Variants in HEATR5A observed in about 807,000 individuals in gnomAD.
HEATR5A encodes the protein HEAT repeat-containing protein 5A.
Under a neutral mutation model 218.8 loss-of-function variants are expected in HEATR5A, and 178 were observed. That is an observed-to-expected ratio of 0.81 (90% confidence interval 0.72 to 0.92). The LOEUF is 0.92. Among genes scored for constraint, HEATR5A ranks in the 40% least tolerant of loss-of-function variants. HEATR5A has a pLI of 0.00. For missense variants in HEATR5A, 2,420 were observed against 2,418.9 expected (o/e 1.00, Z -0.01); for synonymous variants, 864 against 871.6 (o/e 0.99, Z 0.15).
At chr14:31,366,976 G>A (rs1482835083) in intron 13 of HEATR5A, among the ~76,000 whole-genome samples, 1 of 152,170 alleles carries the variant, frequency 6.6e-6, no homozygotes, top group Non-Finnish European at 1.5e-5. Flanking sequence ...AGTAAAACAT[G>A]AAAAGCATTC....
intron 1 of HEATR5A, among the ~76,000 whole-genome samples, chr14:31,410,300 A>C (rs977729299): frequency 1.3e-5 from 2 of 151,966 alleles, no homozygotes; most frequent in African/African-American, 4.8e-5. Flanking sequence ...GTAAACAAAC[A>C]AAAAAAACCC....
At chr14:31,307,302 T>C (rs1899586095) in intron 30 of HEATR5A, among the ~76,000 whole-genome samples, 1 of 152,230 alleles carries the variant, frequency 6.6e-6, no homozygotes, top group Non-Finnish European at 1.5e-5. Context: ...TAAAACTTGA[T>C]ATCAAAAGTA....
At position 31,349,934 on chromosome 14, in the gene HEATR5A, T is replaced by G. The variant is rs760746801; in HGVS notation, c.2563A>C (p.Arg855=). 2.5e-6 allele frequency: 4 copies of G among 1,606,056 alleles called. No individual in the cohort carries two copies. In the African/African-American group the frequency reaches 5.4e-5, roughly 22 times the overall value. The change falls in exon 18 of 36, where the codon AGA becomes CGA. Residue 855 remains arginine, a synonymous_variant. Coordinates refer to ENST00000543095, the MANE Select transcript of HEATR5A (RefSeq NM_015473.4). ...KGCLGPEEMK[R]FALTLVMGAL... ...CCCATAACTAATGTTAAGGCAAATCTTTTCATTTCTTCTGGACCTAAACAT... is the reference window on the plus strand; with the variant it reads ...CCCATAACTAATGTTAAGGCAAATCGTTTCATTTCTTCTGGACCTAAACAT...
intron 20 of HEATR5A, 106 bp downstream of exon 20, chr14:31,344,981 A>G: frequency 1.1e-6 from 1 of 906,052 alleles, no homozygotes. Context: ...TTCATTTAAC[A>G]AAACATACAG....
At chr14:31,379,764 G>A (rs935005180) in intron 11 of HEATR5A, among the ~76,000 whole-genome samples, 3 of 152,216 alleles carry the variant, frequency 2.0e-5, no homozygotes, top group Admixed American at 1.3e-4. Context: ...GACGAGCCTG[G>A]GCAACATAGT....
At chr14:31,326,106 T>C in intron 23 of HEATR5A, 57 bp downstream of exon 23, 1 of 1,378,822 alleles carries the variant, frequency 7.3e-7, no homozygotes, top group Non-Finnish European at 1.0e-6. Context: ...TAAACAATTT[T>C]ATGTAAAGTT....
chr14:31,308,347 A>T (rs1204669585), intron 29 of HEATR5A, among the ~76,000 whole-genome samples: 1 of 152,088 alleles, frequency 6.6e-6, no homozygotes, highest in African/African-American at 2.4e-5. Context: ...GTCTCGACTA[A>T]AAATACAAAA....
intron 22 of HEATR5A, among the ~76,000 whole-genome samples, chr14:31,327,043 C>T (rs1308324806): frequency 2.7e-5 from 4 of 150,380 alleles, no homozygotes; most frequent in African/African-American, 9.8e-5. Flanking sequence ...GGTGCAATCT[C>T]GGCTCACTGC....
At chr14:31,327,775 A>G (rs867721622) in intron 22 of HEATR5A, among the ~76,000 whole-genome samples, 1 of 152,190 alleles carries the variant, frequency 6.6e-6, no homozygotes, top group African/African-American at 2.4e-5. Context: ...TCACTATACA[A>G]TATTCTCACT....
intron 21 of HEATR5A, among the ~76,000 whole-genome samples, chr14:31,338,558 G>C (rs558603903): frequency 6.6e-6 from 1 of 152,200 alleles, no homozygotes; most frequent in East Asian, 1.9e-4. Context: ...AAAATTCTTA[G>C]TGATTTCATA....
chr14:31,413,061 C>T (rs969221409), intron 1 of HEATR5A, among the ~76,000 whole-genome samples: 8 of 152,120 alleles, frequency 5.3e-5, no homozygotes, highest in Non-Finnish European at 1.0e-4. Context: ...TGACGAACCC[C>T]AGGCACGGCA....
chr14:31,370,080 G>T (rs1901978018), intron 13 of HEATR5A, among the ~76,000 whole-genome samples: 1 of 151,964 alleles, frequency 6.6e-6, no homozygotes, highest in Non-Finnish European at 1.5e-5. Context: ...CAAAAAATTA[G>T]CCAGGCATGG....
intron 24 of HEATR5A, 135 bp downstream of exon 24, chr14:31,323,430 A>T: frequency 1.8e-6 from 1 of 562,230 alleles, no homozygotes; most frequent in Non-Finnish European, 2.7e-6. Flanking sequence ...CCAAAGTGTT[A>T]GGATTACAGG....
At chr14:31,362,239 G>T (rs1901643416) in intron 14 of HEATR5A, among the ~76,000 whole-genome samples, 1 of 152,036 alleles carries the variant, frequency 6.6e-6, no homozygotes, top group African/African-American at 2.4e-5. Context: ...AATGTGCTGG[G>T]ATTATAGATG....
At chr14:31,302,746 G>A (rs1899426189) in intron 32 of HEATR5A, 1 of 485,294 alleles carries the variant, frequency 2.1e-6, no homozygotes, top group Non-Finnish European at 3.7e-6. Context: ...TAAATTGTGT[G>A]AGTATCATTA....
intron 21 of HEATR5A, among the ~76,000 whole-genome samples, chr14:31,343,170 G>A (rs1900895401): frequency 6.6e-6 from 1 of 150,632 alleles, no homozygotes; most frequent in South Asian, 2.1e-4. Context: ...TCGGCTCACT[G>A]CAACCTCCAC....
chr14:31,331,506 C>G (rs1461421029), intron 22 of HEATR5A, among the ~76,000 whole-genome samples: 1 of 152,148 alleles, frequency 6.6e-6, no homozygotes, highest in Non-Finnish European at 1.5e-5. Context: ...ATCTTCCTGT[C>G]TTCTTCTGAG....
At chr14:31,340,388 G>T in intron 21 of HEATR5A, 3 of 1,066,448 alleles carry the variant, frequency 2.8e-6, no homozygotes, top group South Asian at 2.7e-5. Flanking sequence ...ACCAAAAAAT[G>T]ACACAAAGAA....
chr14:31,323,843 G>A, intron 23 of HEATR5A, 39 bp from the exon 24 acceptor site: 1 of 1,265,956 alleles, frequency 7.9e-7, no homozygotes, highest in Non-Finnish European at 1.1e-6. Context: ...ATAATCAACT[G>A]AAAGATATAT....
Sources: allele counts gnomAD v4.1 joint callset (sites outside exome capture counted in the v4.1 genomes callset), GRCh38; gene constraint gnomAD v4.1.1; transcripts MANE v1.5; gene names NCBI Gene and HGNC (gene_info 2026-07-23, HGNC 2026-07-21).